GRM5: variants seen among roughly 807,000 people sequenced by gnomAD.
The protein encoded by GRM5 is metabotropic glutamate receptor 5.
In GRM5, 19 loss-of-function variants were observed where a neutral mutation model predicts 83.1. The observed-to-expected ratio is 0.23, with a 90% CI of 0.16 to 0.34. The LOEUF (loss-of-function observed/expected upper bound fraction) is 0.34. GRM5 is among the 10% of genes least tolerant of loss of function. GRM5 has a pLI of 1.00. For missense variants in GRM5, 1,160 were observed against 1,588.3 expected (o/e 0.73, Z 4.58); for synonymous variants, 675 against 633.6 (o/e 1.07, Z -0.98).
chr11:88,717,290 A>C (rs1941419767), intron 3 of GRM5, among the ~76,000 whole-genome samples: 1 of 151,970 alleles, frequency 6.6e-6, no homozygotes, highest in Non-Finnish European at 1.5e-5. Context: ...AAACATAGGC[A>C]AACAGTTGTT....
intron 3 of GRM5, among the ~76,000 whole-genome samples, chr11:88,658,338 C>G (rs531733131): frequency 6.6e-6 from 1 of 152,146 alleles, no homozygotes; most frequent in Non-Finnish European, 1.5e-5. Context: ...CATGTTATTT[C>G]TGCTCACGTT....
Position 88,767,063 on chromosome 11 carries a change from G to T in GRM5, c.911+82843C>A, listed in dbSNP as rs545015050. 3.2e-4 allele frequency among the ~76,000 whole-genome samples: 49 copies of T among 152,014 alleles called. No homozygotes were observed. In the South Asian group the frequency reaches 1.0e-2, roughly 31 times the overall value. On this transcript the variant is annotated intron_variant, in intron 3 of 9. Coordinates refer to ENST00000305447, the MANE Select transcript of GRM5 (RefSeq NM_001143831.3). ...TTCTCTTGTTTGATACAGCTGGAGT[G>T]CAGTGTCATAATCACAGTTCACTTC...
At chr11:88,578,332 C>T (rs900446299) in intron 7 of GRM5, among the ~76,000 whole-genome samples, 4 of 152,102 alleles carry the variant, frequency 2.6e-5, no homozygotes, top group Non-Finnish European at 5.9e-5. Context: ...ATAGTTAGCA[C>T]TGTATCATAA....
intron 2 of GRM5, among the ~76,000 whole-genome samples, chr11:88,943,923 G>A (rs891155611): frequency 6.6e-6 from 1 of 151,882 alleles, no homozygotes; most frequent in Non-Finnish European, 1.5e-5. Flanking sequence ...CCTCAGTTTT[G>A]TTTCTCTTTT....
In GRM5 at chr11:88,843,961, G is replaced by A. The variant is rs374654408; in HGVS notation, c.911+5945C>T. On this transcript the variant is annotated intron_variant, in intron 3 of 9. Coordinates refer to ENST00000305447, the MANE Select transcript of GRM5 (RefSeq NM_001143831.3). The stretch of plus-strand genomic sequence containing the variant: ...AAGCTAGCAGAGGTTATTTCACGAG[G>A]TTGAAGACAGGAAACTGTCTCTGTA... Among the ~76,000 whole-genome samples, 6 of 152,334 alleles carry A rather than the reference G, an allele frequency of 3.9e-5. No individual in the cohort carries two copies. In the East Asian group the frequency reaches 5.8e-4, roughly 15 times the overall value.
At chr11:88,536,900 A>C (rs1390832768) in intron 8 of GRM5, among the ~76,000 whole-genome samples, 1 of 152,140 alleles carries the variant, frequency 6.6e-6, no homozygotes, top group Admixed American at 6.5e-5. Context: ...TTATTATAGA[A>C]AAACTTTCCC....
intron 3 of GRM5, among the ~76,000 whole-genome samples, chr11:88,723,257 C>G (rs1941589932): frequency 6.6e-6 from 1 of 151,888 alleles, no homozygotes; most frequent in African/African-American, 2.4e-5. Context: ...ATGAATGTGC[C>G]ACAGTTTATA....
chr11:88,777,978 C>CTCTCT (rs1942893994), intron 3 of GRM5, among the ~76,000 whole-genome samples: 1 of 152,184 alleles, frequency 6.6e-6, no homozygotes, highest in Admixed American at 6.5e-5. Context: ...GAGAACACCG[C>CTCTCT]TCTCTTCAGA....
chr11:88,548,238 G>A (rs950831762), intron 8 of GRM5, among the ~76,000 whole-genome samples: 6 of 152,158 alleles, frequency 3.9e-5, no homozygotes, highest in African/African-American at 1.2e-4. Flanking sequence ...AAGGAAATAT[G>A]ATTTGCATGC....
At chr11:88,978,087 C>A (rs1442122478) in intron 2 of GRM5, among the ~76,000 whole-genome samples, 1 of 152,150 alleles carries the variant, frequency 6.6e-6, no homozygotes, top group Non-Finnish European at 1.5e-5. Context: ...TTGAAGCCAA[C>A]CTTCCTCACA....
chr11:88,714,332 C>T (rs1017908359), intron 3 of GRM5, among the ~76,000 whole-genome samples: 2 of 151,824 alleles, frequency 1.3e-5, no homozygotes, highest in Admixed American at 1.3e-4. Context: ...GTAAAGGCAT[C>T]CCTGATGTCA....
In GRM5 at chr11:89,018,435, G is replaced by A. The variant is rs529823981; in HGVS notation, c.661+28777C>T. Among the ~76,000 whole-genome samples the A allele has an allele frequency of 6.6e-5, 10 of 152,220 alleles. 1 individual carries two copies. In the South Asian group the frequency reaches 2.1e-3, roughly 32 times the overall value. The stretch of plus-strand genomic sequence containing the variant: ...AAAGGCAGCTGATGTCACTTGCTGG[G>A]CTTAATATTTCTGCCCCTTCAGTTA... On this transcript the variant is annotated intron_variant, in intron 2 of 9. Transcript: ENST00000305447.
At chr11:89,006,440 C>G (rs1042790038) in intron 2 of GRM5, among the ~76,000 whole-genome samples, 21 of 152,158 alleles carry the variant, frequency 1.4e-4, no homozygotes, top group African/African-American at 5.1e-4. Context: ...CCACCTGGAC[C>G]CCTGCTCCTA....
chr11:89,047,824 G>A lies in GRM5; in HGVS notation c.49C>T (p.Arg17Cys). 2 of 1,613,786 alleles carry A rather than the reference G, an allele frequency of 1.2e-6. No homozygotes were observed. Among genetic ancestry groups the A allele is most frequent in the Non-Finnish European group, 1.7e-6 (2 of 1,179,754 alleles). ...CTCTCACTGGACTGTGCACTCCCAC[G>A]GACATCTTCTTTCAAAAGTAAGACT... is the stretch of plus-strand genomic sequence containing the variant. ...LSVLLLKEDVRGSAQSSERRV... is the reference protein window; with the variant it reads ...LSVLLLKEDVCGSAQSSERRV... The change falls in exon 2 of 10, where the codon CGT (arginine) becomes TGT (cysteine). Residue 17 changes from arginine (R) to cysteine (C), a missense_variant. Arg to Cys is a radical substitution (Grantham distance 180). Around this residue, in one of 9 missense-constraint regions of GRM5, gnomAD observed 71 missense variants for 145.8 expected, o/e 0.49. Transcript: ENST00000305447. The surrounding 1 kb of genome is among the most constrained non-coding windows in gnomAD (Gnocchi z 5.1).
intron 2 of GRM5, among the ~76,000 whole-genome samples, chr11:88,881,405 A>G (rs192640525): frequency 1.2e-4 from 17 of 146,390 alleles, no homozygotes; most frequent in African/African-American, 3.6e-4. Flanking sequence ...ATAACTGTAG[A>G]AAGTTACTTG....
chr11:88,999,306 A>G (rs1940292633), intron 2 of GRM5, among the ~76,000 whole-genome samples: 1 of 152,228 alleles, frequency 6.6e-6, no homozygotes, highest in South Asian at 2.1e-4. Context: ...CAGGCAACCT[A>G]CAGAATGGGA....
intron 2 of GRM5, among the ~76,000 whole-genome samples, chr11:88,972,436 C>A (rs1252344491): frequency 6.6e-6 from 1 of 152,076 alleles, no homozygotes; most frequent in African/African-American, 2.4e-5. Context: ...TTTTGTGTTT[C>A]TTTTCTCTTT....
chr11:89,022,697 G>A (rs1275522233), intron 2 of GRM5, among the ~76,000 whole-genome samples: 1 of 151,912 alleles, frequency 6.6e-6, no homozygotes, highest in Non-Finnish European at 1.5e-5. Context: ...TGGATAAAGA[G>A]TATTTTACTC....
At chr11:88,960,615 GA>G (rs1938752888) in intron 2 of GRM5, among the ~76,000 whole-genome samples, 1 of 152,154 alleles carries the variant, frequency 6.6e-6, no homozygotes, top group Non-Finnish European at 1.5e-5. Context: ...GTGGAAGCAG[GA>G]AGATGAGTTG....
Sources: gnomAD v4.1 joint callset for allele counts (sites outside exome capture counted in the v4.1 genomes callset) on GRCh38, gnomAD v4.1.1 for gene constraint, gnomAD v4.1.1 regional missense constraint, Gnocchi (gnomAD v3.1) non-coding constraint, MANE v1.5 for transcripts, NCBI Gene and HGNC (gene_info 2026-07-23, HGNC 2026-07-21) for gene names.